CTNNA3: variants seen among roughly 807,000 people sequenced by gnomAD.
CTNNA3 encodes catenin alpha 3, also known as catenin alpha-3.
In CTNNA3, 76 loss-of-function variants were observed where a neutral mutation model predicts 95.7. The ratio of observed to expected loss-of-function variants is 0.79; its 90% CI spans 0.66 to 0.96. CTNNA3 has a LOEUF of 0.96. Among genes scored for constraint, CTNNA3 ranks in the 40% least tolerant of loss-of-function variants. The probability of loss-of-function intolerance (pLI) is 0.00; values close to 1 mark genes in which losing one functional copy is unlikely to be tolerated. For synonymous variants in CTNNA3, 431 were observed against 374.4 expected, an observed-to-expected ratio of 1.15 and a Z score of -1.74; for missense variants, 1,191 against 1,089.8, an observed-to-expected ratio of 1.09 and a Z score of -1.31.
chr10:67,584,136 GA>G (rs1842531056), intron 3 of CTNNA3, among the ~76,000 whole-genome samples: 1 of 152,220 alleles, frequency 6.6e-6, no homozygotes, highest in South Asian at 2.1e-4. Context: ...TGGAGGAAAA[GA>G]GGTGCTCTGA....
At chr10:65,964,219 T>G (rs1210567461) in intron 17 of CTNNA3, among the ~76,000 whole-genome samples, 1 of 152,162 alleles carries the variant, frequency 6.6e-6, no homozygotes, top group Non-Finnish European at 1.5e-5. Context: ...ACTGAGAGAT[T>G]AAAGTAAGTG....
chr10:67,622,884 T>C (rs950594329), intron 2 of CTNNA3, among the ~76,000 whole-genome samples: 1 of 152,230 alleles, frequency 6.6e-6, no homozygotes, highest in Admixed American at 6.5e-5. Flanking sequence ...TTCTTCATCC[T>C]ACCATAAAAA....
chr10:66,471,663 T>C (rs552701044), intron 11 of CTNNA3, among the ~76,000 whole-genome samples: 1 of 152,032 alleles, frequency 6.6e-6, no homozygotes, highest in African/African-American at 2.4e-5. Flanking sequence ...TAACAACATA[T>C]GCTTACCTAG....
intron 17 of CTNNA3, among the ~76,000 whole-genome samples, chr10:65,940,412 A>C (rs1786909): frequency 0.8 from 121,472 of 152,112 alleles, 48,726 homozygotes; most frequent in Middle Eastern, 0.88. Context: ...AGAAAACAGG[A>C]AAAACATATC....
At chr10:67,024,530 A>G (rs1268425738) in intron 7 of CTNNA3, among the ~76,000 whole-genome samples, 1 of 152,228 alleles carries the variant, frequency 6.6e-6, no homozygotes, top group Non-Finnish European at 1.5e-5. Context: ...TTGGCCTACC[A>G]TAAGACCACG....
At chr10:66,954,102 A>G (rs1018012197) in intron 7 of CTNNA3, among the ~76,000 whole-genome samples, 1 of 152,214 alleles carries the variant, frequency 6.6e-6, no homozygotes, top group Non-Finnish European at 1.5e-5. Context: ...AATAAAATTT[A>G]TGCCTCTACT....
chr10:66,069,598 G>A, intron 14 of CTNNA3, 109 bp from the exon 15 acceptor site: 2 of 747,466 alleles, frequency 2.7e-6, no homozygotes, highest in Non-Finnish European at 4.2e-6. Flanking sequence ...TAAAATCAGA[G>A]GCACAATATA....
chr10:66,895,434 T>C (rs1845442648), intron 7 of CTNNA3, among the ~76,000 whole-genome samples: 1 of 152,262 alleles, frequency 6.6e-6, no homozygotes, highest in East Asian at 1.9e-4. Context: ...TCAAGAAAGA[T>C]TTGTTCATTA....
At chr10:66,731,438 C>T (rs1341184191) in intron 9 of CTNNA3, among the ~76,000 whole-genome samples, 6 of 152,170 alleles carry the variant, frequency 3.9e-5, no homozygotes, top group African/African-American at 1.4e-4. Flanking sequence ...CCCTCCCTTC[C>T]TTCTTTTTGT....
At chr10:66,700,956 A>G (rs923041198) in intron 9 of CTNNA3, among the ~76,000 whole-genome samples, 6 of 152,144 alleles carry the variant, frequency 3.9e-5, no homozygotes, top group Non-Finnish European at 7.4e-5. Flanking sequence ...TTTCTCTCTC[A>G]TACTTTCCTA....
intron 9 of CTNNA3, among the ~76,000 whole-genome samples, chr10:66,731,381 G>A (rs1425551206): frequency 1.3e-5 from 2 of 152,130 alleles, no homozygotes; most frequent in Admixed American, 1.3e-4. Context: ...CAGCCAATAT[G>A]GGTGACTTTC....
intron 7 of CTNNA3, among the ~76,000 whole-genome samples, chr10:67,082,219 CT>C (rs1326583906): frequency 6.6e-6 from 1 of 152,064 alleles, no homozygotes; most frequent in Non-Finnish European, 1.5e-5. Flanking sequence ...TTCATTTCCC[CT>C]GTTACATTTA....
At chr10:66,858,135 C>A (rs139936960) in intron 7 of CTNNA3, among the ~76,000 whole-genome samples, 9 of 152,136 alleles carry the variant, frequency 5.9e-5, no homozygotes, top group South Asian at 2.1e-4. Context: ...GTATCAAAAG[C>A]CTTTTCTGCA....
At chr10:67,303,490 C>A (rs1840413080) in intron 5 of CTNNA3, among the ~76,000 whole-genome samples, 1 of 152,196 alleles carries the variant, frequency 6.6e-6, no homozygotes, top group African/African-American at 2.4e-5. Context: ...ATCCGGCATG[C>A]AGGCCTAATT....
At chr10:67,437,262 G>A (rs1223652424) in intron 5 of CTNNA3, among the ~76,000 whole-genome samples, 1 of 152,166 alleles carries the variant, frequency 6.6e-6, no homozygotes, top group African/African-American at 2.4e-5. Context: ...ATATGTGGGA[G>A]GTAAGCAATA....
At chr10:66,374,538 A>T (rs2092778955) in intron 12 of CTNNA3, among the ~76,000 whole-genome samples, 1 of 150,714 alleles carries the variant, frequency 6.6e-6, no homozygotes, top group African/African-American at 2.4e-5. Context: ...GCCCTGGGAG[A>T]GATTCAAAGA....
chr10:66,188,769 T>A (rs978656613), intron 13 of CTNNA3, among the ~76,000 whole-genome samples: 3 of 152,120 alleles, frequency 2.0e-5, no homozygotes, highest in African/African-American at 7.2e-5. Flanking sequence ...CTCGGTCATA[T>A]TGTAGTTCTA....
chr10:66,360,651 C>CT (rs776047899), intron 12 of CTNNA3, among the ~76,000 whole-genome samples: 1,522 of 59,948 alleles, frequency 0.025, 58 homozygotes, highest in African/African-American at 0.097. Flanking sequence ...TTCTTTCTTT[C>CT]TTTCTTTCTT....
chr10:67,329,519 A>G (rs1841692259), intron 5 of CTNNA3, among the ~76,000 whole-genome samples: 1 of 152,252 alleles, frequency 6.6e-6, no homozygotes, highest in Admixed American at 6.5e-5. Context: ...TACTTTAAGA[A>G]AAAAGGAAAA....
Sources: allele counts gnomAD v4.1 joint callset (sites outside exome capture counted in the v4.1 genomes callset), GRCh38; gene constraint gnomAD v4.1.1; transcripts MANE v1.5; gene names NCBI Gene and HGNC (gene_info 2026-07-23, HGNC 2026-07-21).